NRG3: variants seen among roughly 807,000 people sequenced by gnomAD.
NRG3 encodes neuregulin 3, also known as pro-neuregulin-3, membrane-bound isoform.
A neutral mutation model predicts 66.9 loss-of-function variants in NRG3; 31 were observed. The observed-to-expected ratio is 0.46, with a 90% CI of 0.35 to 0.63. The LOEUF (loss-of-function observed/expected upper bound fraction) is 0.63, where lower values mean the gene tolerates loss of function less well. Ranked by LOEUF, NRG3 falls within the 20% of genes least tolerant of loss-of-function variation. The probability of loss-of-function intolerance (pLI) is 0.00; values close to 1 mark genes in which losing one functional copy is unlikely to be tolerated. For synonymous variants in NRG3, 393 were observed against 359.4 expected (o/e 1.09, Z -1.06); for missense variants, 910 against 878.9 (o/e 1.04, Z -0.45).
At chr10:82,391,512 A>G (rs1372701513) in intron 2 of NRG3, among the ~76,000 whole-genome samples, 4 of 152,142 alleles carry the variant, frequency 2.6e-5, no homozygotes, top group African/African-American at 9.7e-5. Context: ...AACTAGAGCC[A>G]ACGGAACATA....
intron 2 of NRG3, among the ~76,000 whole-genome samples, chr10:82,646,733 G>A (rs2050960883): frequency 6.6e-6 from 1 of 152,036 alleles, no homozygotes; most frequent in African/African-American, 2.4e-5. Context: ...TCAAGGAAAG[G>A]CACTGATTGG....
At chr10:82,739,879 A>C (rs1415289530) in intron 3 of NRG3, among the ~76,000 whole-genome samples, 4 of 152,136 alleles carry the variant, frequency 2.6e-5, no homozygotes, top group African/African-American at 7.2e-5. Flanking sequence ...TTATCAAGTG[A>C]TTTGGACCAC....
chr10:82,398,813 G>A (rs1233672893), intron 2 of NRG3, among the ~76,000 whole-genome samples: 2 of 152,076 alleles, frequency 1.3e-5, no homozygotes, highest in Non-Finnish European at 2.9e-5. Context: ...CTGGGCTTCA[G>A]GACCTGCCAT....
intron 7 of NRG3, among the ~76,000 whole-genome samples, chr10:82,974,270 T>A (rs1333332852): frequency 2.0e-5 from 3 of 152,218 alleles, no homozygotes; most frequent in African/African-American, 7.2e-5. Flanking sequence ...CTATGCAGCC[T>A]AATGTGACAG....
chr10:82,870,687 G>T (rs116937696), intron 4 of NRG3, among the ~76,000 whole-genome samples: 4,914 of 152,286 alleles, frequency 0.032, 121 homozygotes, highest in South Asian at 0.084. Context: ...GACACTTAAT[G>T]TGGAGTATTT....
intron 1 of NRG3, among the ~76,000 whole-genome samples, chr10:82,260,924 A>G (rs2077991638): frequency 6.6e-6 from 1 of 152,176 alleles, no homozygotes; most frequent in Non-Finnish European, 1.5e-5. Flanking sequence ...CTCATGTTGA[A>G]ATGTAATCAC....
chr10:82,220,307 G>A (rs2075880125), intron 1 of NRG3, among the ~76,000 whole-genome samples: 2 of 151,880 alleles, frequency 1.3e-5, no homozygotes, highest in Admixed American at 6.6e-5. Flanking sequence ...ATATTTTCAG[G>A]GATATAGCAA....
intron 2 of NRG3, among the ~76,000 whole-genome samples, chr10:82,563,606 A>G (rs989178251): frequency 6.6e-6 from 1 of 151,858 alleles, no homozygotes; most frequent in Non-Finnish European, 1.5e-5. Flanking sequence ...TATGTCACAT[A>G]CTTATATATG....
In NRG3 at chr10:82,985,302, AAGC is replaced by A; in HGVS notation, c.1790_1792del (p.Ser597del). Reference sequence around the variant, plus strand: ...AAATGCCAGGGATTTCTGAAGTCAAAAGCATCAAATGGTGCAAAAACTCCTATT... The same window carrying A: ...AAATGCCAGGGATTTCTGAAGTCAAAATCAAATGGTGCAAAAACTCCTATT... On this transcript the variant is annotated inframe_deletion, in exon 9 of 9. Transcript: ENST00000372141. 6.2e-7 allele frequency: 1 copy of A among 1,614,186 alleles called. No individual in the cohort carries two copies. The highest frequency in any genetic ancestry group is 8.5e-7 in the Non-Finnish European group (1 of 1,180,018).
intron 1 of NRG3, among the ~76,000 whole-genome samples, chr10:82,310,788 T>TCTCTCTTCCC (rs2080981933): frequency 2.0e-5 from 3 of 152,132 alleles, no homozygotes; most frequent in African/African-American, 7.2e-5. Context: ...AGTCTTGCTC[T>TCTCTCTTCCC]CTCTCTTCCC....
chr10:81,997,633 G>A (rs1160662567), intron 1 of NRG3, among the ~76,000 whole-genome samples: 2 of 151,910 alleles, frequency 1.3e-5, no homozygotes, highest in Non-Finnish European at 2.9e-5. Flanking sequence ...GTGAAATAGG[G>A]GTGATAATAT....
intron 7 of NRG3, among the ~76,000 whole-genome samples, chr10:82,976,635 CT>C (rs1395807000): frequency 7.2e-5 from 11 of 152,072 alleles, no homozygotes. Context: ...TAGTTTCTAC[CT>C]TTTTTGTTTT....
At chr10:81,957,912 G>T (rs1212916612) in intron 1 of NRG3, among the ~76,000 whole-genome samples, 2 of 152,118 alleles carry the variant, frequency 1.3e-5, no homozygotes, top group African/African-American at 4.8e-5. Context: ...GGTTTGGAGG[G>T]GAGGAAATAA....
chr10:82,935,916 G>C (rs1486510189), intron 4 of NRG3, among the ~76,000 whole-genome samples: 1 of 151,994 alleles, frequency 6.6e-6, no homozygotes, highest in African/African-American at 2.4e-5. Context: ...CATATGGTAT[G>C]ATTCTATTTA....
At chr10:82,912,049 T>C (rs1408869700) in intron 4 of NRG3, among the ~76,000 whole-genome samples, 1 of 152,172 alleles carries the variant, frequency 6.6e-6, no homozygotes, top group Non-Finnish European at 1.5e-5. Context: ...ATACTTTGTA[T>C]GATTTATATA....
At chr10:82,170,411 AC>A (rs2072478295) in intron 1 of NRG3, among the ~76,000 whole-genome samples, 1 of 151,776 alleles carries the variant, frequency 6.6e-6, no homozygotes, top group Non-Finnish European at 1.5e-5. Context: ...TCATAGCCCA[AC>A]ATTTTTCAGG....
At chr10:82,766,688 T>C (rs943499115) in intron 3 of NRG3, among the ~76,000 whole-genome samples, 29 of 152,068 alleles carry the variant, frequency 1.9e-4, no homozygotes, top group African/African-American at 6.5e-4. Flanking sequence ...ATAAATCTTC[T>C]ACATCAAGTA....
At chr10:82,316,055 G>C (rs770575035) in intron 1 of NRG3, among the ~76,000 whole-genome samples, 1 of 152,230 alleles carries the variant, frequency 6.6e-6, no homozygotes, top group African/African-American at 2.4e-5. Flanking sequence ...CACAAGCAAT[G>C]GTGTTGTTAG....
chr10:82,735,821 TG>T (rs747893030), intron 2 of NRG3, among the ~76,000 whole-genome samples: 24 of 152,152 alleles, frequency 1.6e-4, no homozygotes, highest in Non-Finnish European at 3.1e-4. Flanking sequence ...GTTTAAAACC[TG>T]GATGTCGGGT....
Sources: gnomAD v4.1 joint callset for allele counts (sites outside exome capture counted in the v4.1 genomes callset) on GRCh38, gnomAD v4.1.1 for gene constraint, MANE v1.5 for transcripts, NCBI Gene and HGNC (gene_info 2026-07-23, HGNC 2026-07-21) for gene names.